ACOT7: variants seen among roughly 807,000 people sequenced by gnomAD.
The protein encoded by ACOT7 is acyl-CoA thioesterase 7.
A neutral mutation model predicts 40.2 loss-of-function variants in ACOT7; 12 were observed. That is an observed-to-expected ratio of 0.30 (90% CI 0.19 to 0.48). The LOEUF (loss-of-function observed/expected upper bound fraction) is 0.48. Ranked by LOEUF, ACOT7 falls within the 20% of genes least tolerant of loss-of-function variation. The pLI is 0.99. For missense variants in ACOT7, 395 were observed against 530.8 expected, an observed-to-expected ratio of 0.74 and a Z score of 2.51; for synonymous variants, 228 against 219.5, an observed-to-expected ratio of 1.04 and a Z score of -0.34.
At chr1:6,281,607 C>T (rs895327158) in intron 7 of ACOT7, among the ~76,000 whole-genome samples, 1 of 152,214 alleles carries the variant, frequency 6.6e-6, no homozygotes. Context: ...GCCACTGTGC[C>T]CCCACGGGGG....
intron 6 of ACOT7, among the ~76,000 whole-genome samples, chr1:6,304,365 G>T (rs1438584968): frequency 2.7e-5 from 4 of 146,532 alleles, no homozygotes; most frequent in African/African-American, 1.0e-4. Context: ...ACCCCCATCC[G>T]ACCCGTACAC....
chr1:6,317,731 T>TC (rs1489504988), intron 6 of ACOT7, among the ~76,000 whole-genome samples: 1 of 150,232 alleles, frequency 6.7e-6, no homozygotes, highest in African/African-American at 2.4e-5. Context: ...AGTCTTTCTT[T>TC]TTTTTTTTTT....
At chr1:6,272,428 G>A (rs74668691) in intron 8 of ACOT7, among the ~76,000 whole-genome samples, 2 of 152,216 alleles carry the variant, frequency 1.3e-5, no homozygotes, top group African/African-American at 4.8e-5. Context: ...GCCTGCAACA[G>A]TGACAAAGAT....
rs1167176926 is a variant in ACOT7, at chr1:6,358,664, C to T, written c.144-8798G>A. On this transcript the variant is annotated intron_variant, in intron 1 of 8. Transcript: ENST00000361521. The surrounding 1 kb of genome is among the most constrained non-coding windows in gnomAD (Gnocchi z 4.1). ...ATCTTGGGGGTCAGTAAGAGCCAGG[C>T]CAGGTGGGTGCCCTACTGCCCTTCC... Among the ~76,000 whole-genome samples, 1 of 152,228 alleles carries T rather than the reference C, an allele frequency of 6.6e-6. No individual in the cohort carries two copies. The highest frequency in any genetic ancestry group is 2.4e-5 in the African/African-American group (1 of 41,454).
chr1:6,339,825 A>C (rs1447977421), intron 2 of ACOT7, among the ~76,000 whole-genome samples: 2 of 130,450 alleles, frequency 1.5e-5, no homozygotes, highest in Admixed American at 8.6e-5. Flanking sequence ...CTGCAAGCTC[A>C]GCCTCCCGGG....
chr1:6,305,388 C>T (rs538717809), intron 6 of ACOT7, among the ~76,000 whole-genome samples: 1 of 149,670 alleles, frequency 6.7e-6, no homozygotes, highest in South Asian at 2.1e-4. Flanking sequence ...GACCCCCCCA[C>T]CTCCCTCCCA....
At chr1:6,381,334 C>T (rs1419727527) in intron 1 of ACOT7, among the ~76,000 whole-genome samples, 1 of 151,644 alleles carries the variant, frequency 6.6e-6, no homozygotes, top group Non-Finnish European at 1.5e-5. Flanking sequence ...ATTTAATTTT[C>T]AGTTTTAAAA....
At chr1:6,367,860 C>A (rs1319171355) in intron 1 of ACOT7, among the ~76,000 whole-genome samples, 1 of 152,156 alleles carries the variant, frequency 6.6e-6, no homozygotes, top group East Asian at 1.9e-4. Flanking sequence ...TGCCCTGTGA[C>A]CAGGAAGAAT....
Position 6,311,234 on chromosome 1 carries a change from G to C in ACOT7, c.712+7258C>G, listed in dbSNP as rs76436355. Among the ~76,000 whole-genome samples, 173 of 152,306 alleles carry C rather than the reference G, an allele frequency of 1.1e-3. No homozygotes were observed. Among genetic ancestry groups the C allele is most frequent in the African/African-American group, 4.0e-3 (167 of 41,574 alleles). ...GCAGAGTTAGTTTTTACTCAGAGCCGATGTGATCAGTAAACGTTGAGGTTC... is the reference window on the plus strand; with the variant it reads ...GCAGAGTTAGTTTTTACTCAGAGCCCATGTGATCAGTAAACGTTGAGGTTC... On this transcript the variant is annotated intron_variant, in intron 6 of 8. Coordinates refer to ENST00000361521, the MANE Select transcript of ACOT7 (RefSeq NM_007274.4). The surrounding 1 kb of genome is among the most constrained non-coding windows in gnomAD (Gnocchi z 5.2).
chr1:6,358,125 T>C lies in ACOT7; in HGVS notation c.144-8259A>G, dbSNP rs1007330798. On this transcript the variant is annotated intron_variant, in intron 1 of 8. Transcript: ENST00000361521. The surrounding 1 kb of genome is among the most constrained non-coding windows in gnomAD (Gnocchi z 4.1). ...CTCAGTTGATCCACCTGCCTCGGCC[T>C]CCCAAAGTGCTGAGATTACAGGCGT... is the stretch of plus-strand genomic sequence containing the variant. 6.6e-6 allele frequency among the ~76,000 whole-genome samples: 1 copy of C among 152,062 alleles called. No homozygotes were observed. The highest frequency in any genetic ancestry group is 2.4e-5 in the African/African-American group (1 of 41,406).
Position 6,292,532 on chromosome 1 carries a change from T to C in ACOT7, c.829+2332A>G, listed in dbSNP as rs570057219. On this transcript the variant is annotated intron_variant, in intron 7 of 8. Coordinates refer to ENST00000361521, the MANE Select transcript of ACOT7 (RefSeq NM_007274.4). ...CTAAGTTAATTCCTGGAAAAAGCAT[T>C]CGACCCAGACTGCAGTTCCTGGTTT... is the stretch of plus-strand genomic sequence containing the variant. Among the ~76,000 whole-genome samples, 4 of 152,350 alleles carry C rather than the reference T, an allele frequency of 2.6e-5. No individual in the cohort carries two copies. The South Asian group carries it at 8.3e-4, about 32-fold the overall frequency.
chr1:6,313,546 A>G (rs2148416366), intron 6 of ACOT7, among the ~76,000 whole-genome samples: 1 of 152,316 alleles, frequency 6.6e-6, no homozygotes, highest in Middle Eastern at 3.4e-3. Context: ...AGTCACTCCA[A>G]TGTCTAACAG....
chr1:6,281,916 G>A (rs982582850), intron 7 of ACOT7, among the ~76,000 whole-genome samples: 4 of 152,120 alleles, frequency 2.6e-5, no homozygotes, highest in African/African-American at 9.7e-5. Flanking sequence ...TCTCGCCCAC[G>A]GGACCAAAGC....
chr1:6,358,642 T>G lies in ACOT7; in HGVS notation c.144-8776A>C, dbSNP rs905869931. On this transcript the variant is annotated intron_variant, in intron 1 of 8. Coordinates refer to ENST00000361521, the MANE Select transcript of ACOT7 (RefSeq NM_007274.4). This position sits in a 1 kb window ranked among gnomAD's most constrained non-coding sequence, Gnocchi z 4.1. ...CCCAGCTTCGGCTGACCACCTAATC[T>G]TGGGGGTCAGTAAGAGCCAGGCCAG... 1.3e-5 allele frequency among the ~76,000 whole-genome samples: 2 copies of G among 152,164 alleles called. No individual in the cohort carries two copies. The highest frequency in any genetic ancestry group is 4.8e-5 in the African/African-American group (2 of 41,426).
rs114949496 is a variant in ACOT7, at chr1:6,287,398, G to A, written c.830-6112C>T. On this transcript the variant is annotated intron_variant, in intron 7 of 8. Coordinates refer to ENST00000361521, the MANE Select transcript of ACOT7 (RefSeq NM_007274.4). Reference sequence around the variant, plus strand: ...CTGTGAACAGCTTCCTTAACCCCTCGGAATTGCAGCTTCCAAATGGGAAAA... The same window carrying A: ...CTGTGAACAGCTTCCTTAACCCCTCAGAATTGCAGCTTCCAAATGGGAAAA... Among the ~76,000 whole-genome samples, 884 of 152,334 alleles carry A rather than the reference G, an allele frequency of 5.8e-3. 11 individuals carry two copies. Among genetic ancestry groups the A allele is most frequent in the African/African-American group, 0.019 (785 of 41,584 alleles).
At chr1:6,325,973 C>T (rs1640787727) in intron 5 of ACOT7, among the ~76,000 whole-genome samples, 1 of 152,176 alleles carries the variant, frequency 6.6e-6, no homozygotes, top group South Asian at 2.1e-4. Context: ...GGCAGGTCCT[C>T]CACCACTGCT....
intron 4 of ACOT7, among the ~76,000 whole-genome samples, chr1:6,329,031 T>C (rs1473459347): frequency 2.0e-5 from 3 of 152,280 alleles, no homozygotes; most frequent in African/African-American, 4.8e-5. Context: ...CCAGCTGAGC[T>C]TGTGGGGAAG....
intron 8 of ACOT7, among the ~76,000 whole-genome samples, chr1:6,269,955 T>C (rs3789512): frequency 0.24 from 35,766 of 152,192 alleles, 4,822 homozygotes; most frequent in East Asian, 0.48. Context: ...TTTATGAAGA[T>C]GGCAGTCAAG....
At chr1:6,276,453 C>CCGGAGCGGGTG (rs1553154676) in intron 8 of ACOT7, among the ~76,000 whole-genome samples, 1 of 151,976 alleles carries the variant, frequency 6.6e-6, no homozygotes, top group Non-Finnish European at 1.5e-5. Flanking sequence ...TGGCAGCTGC[C>CCGGAGCGGGTG]CGGAGCGGGT....
Sources: gnomAD v4.1 joint callset for allele counts (sites outside exome capture counted in the v4.1 genomes callset) on GRCh38, gnomAD v4.1.1 for gene constraint, Gnocchi (gnomAD v3.1) non-coding constraint, MANE v1.5 for transcripts, NCBI Gene and HGNC (gene_info 2026-07-23, HGNC 2026-07-21) for gene names.